The following TMPRSS11F variants were observed in gnomAD, a reference collection of about 807,000 sequenced individuals.
TMPRSS11F encodes the protein transmembrane protease serine 11F.
A neutral mutation model predicts 60.2 loss-of-function variants in TMPRSS11F; 47 were observed. That is an observed-to-expected ratio of 0.78 (90% confidence interval 0.62 to 1.00). The LOEUF (loss-of-function observed/expected upper bound fraction) is 1.00. TMPRSS11F is among the 50% of genes least tolerant of loss of function. The pLI, the probability that TMPRSS11F is intolerant of heterozygous loss-of-function variation, is 0.00. For synonymous variants in TMPRSS11F, 166 were observed against 167.3 expected (o/e 0.99, Z 0.06); for missense variants, 519 against 522.9 (o/e 0.99, Z 0.07).
At chr4:68,091,383 C>A (rs574384207) in intron 2 of TMPRSS11F, among the ~76,000 whole-genome samples, 3 of 152,020 alleles carry the variant, frequency 2.0e-5, no homozygotes, top group Non-Finnish European at 4.4e-5. Flanking sequence ...CTATCTTTGA[C>A]CTGGTCATAT....
chr4:68,056,444 CAA>C (rs60388608), intron 9 of TMPRSS11F, among the ~76,000 whole-genome samples: 3 of 111,584 alleles, frequency 2.7e-5, no homozygotes, highest in Admixed American at 8.9e-5. Flanking sequence ...AAAAAAATAG[CAA>C]AAAAAAAAAA....
chr4:68,092,547 A>G (rs898815196), intron 2 of TMPRSS11F, among the ~76,000 whole-genome samples: 6 of 152,126 alleles, frequency 3.9e-5, no homozygotes, highest in African/African-American at 1.4e-4. Flanking sequence ...GACAATTGTT[A>G]TTTCTTTATT....
At chr4:68,128,361 T>C (rs1425224018) in intron 1 of TMPRSS11F, among the ~76,000 whole-genome samples, 4 of 152,166 alleles carry the variant, frequency 2.6e-5, no homozygotes, top group African/African-American at 9.6e-5. Context: ...CTGATCACTA[T>C]ATATTACATG....
intron 2 of TMPRSS11F, among the ~76,000 whole-genome samples, chr4:68,097,368 C>A (rs911398084): frequency 1.3e-5 from 2 of 152,106 alleles, no homozygotes; most frequent in Admixed American, 6.6e-5. Flanking sequence ...CTAGAGACTA[C>A]CCTCATTCCT....
chr4:68,082,992 A>C (rs1001098499), intron 3 of TMPRSS11F, among the ~76,000 whole-genome samples: 2 of 152,218 alleles, frequency 1.3e-5, no homozygotes, highest in African/African-American at 4.8e-5. Context: ...AGCAAACAGA[A>C]GGAAACTTGG....
At chr4:68,108,830 A>G (rs1245860726) in intron 1 of TMPRSS11F, among the ~76,000 whole-genome samples, 1 of 152,214 alleles carries the variant, frequency 6.6e-6, no homozygotes, top group Non-Finnish European at 1.5e-5. Flanking sequence ...GACTAGCTGT[A>G]GTACAAATGT....
At chr4:68,098,586 C>G (rs1428172968) in intron 2 of TMPRSS11F, among the ~76,000 whole-genome samples, 1 of 152,118 alleles carries the variant, frequency 6.6e-6, no homozygotes, top group Non-Finnish European at 1.5e-5. Context: ...AAAGAGTATA[C>G]TAAACTCTCA....
chr4:68,058,603 G>A (rs572694945), intron 9 of TMPRSS11F, among the ~76,000 whole-genome samples: 32 of 152,222 alleles, frequency 2.1e-4, no homozygotes, highest in Non-Finnish European at 3.7e-4. Context: ...GGAGAAACAG[G>A]AAATAAGCTA....
At chr4:68,128,357 A>C (rs912056958) in intron 1 of TMPRSS11F, among the ~76,000 whole-genome samples, 1 of 152,174 alleles carries the variant, frequency 6.6e-6, no homozygotes, top group Admixed American at 6.5e-5. Flanking sequence ...TGATCTGATC[A>C]CTATATATTA....
At chr4:68,070,689 C>T (rs148785350) in intron 5 of TMPRSS11F, among the ~76,000 whole-genome samples, 2 of 152,132 alleles carry the variant, frequency 1.3e-5, no homozygotes, top group Admixed American at 1.3e-4. Context: ...TCTTTTTTCC[C>T]TTCAAATTTA....
At chr4:68,082,594 G>A (rs552668664) in intron 3 of TMPRSS11F, among the ~76,000 whole-genome samples, 14 of 152,348 alleles carry the variant, frequency 9.2e-5, no homozygotes, top group African/African-American at 3.1e-4. Flanking sequence ...CAGTATGAGT[G>A]CTTTACTGGT....
intron 8 of TMPRSS11F, chr4:68,063,106 C>T (rs776527982): frequency 1.1e-5 from 7 of 636,550 alleles, no homozygotes; most frequent in Non-Finnish European, 1.8e-5. Context: ...AGCCCTCCAA[C>T]ATTTTCAAAA....
At chr4:68,068,883 G>C in intron 6 of TMPRSS11F, 64 bp from the exon 7 acceptor site, 2 of 1,544,832 alleles carry the variant, frequency 1.3e-6, no homozygotes, top group Non-Finnish European at 1.8e-6. Flanking sequence ...ATTCTGATTT[G>C]CTTTGGTTAT....
intron 8 of TMPRSS11F, among the ~76,000 whole-genome samples, chr4:68,061,046 T>C (rs1723161401): frequency 7.3e-6 from 1 of 136,596 alleles, no homozygotes; most frequent in Non-Finnish European, 1.7e-5. Flanking sequence ...CTATTTTTAA[T>C]ATATATAAAA....
At chr4:68,094,628 A>C (rs1724034667) in intron 2 of TMPRSS11F, among the ~76,000 whole-genome samples, 1 of 151,808 alleles carries the variant, frequency 6.6e-6, no homozygotes, top group South Asian at 2.1e-4. Flanking sequence ...TTGGGATTTC[A>C]TGGGAGAATA....
chr4:68,075,639 G>A (rs970290118), intron 3 of TMPRSS11F, among the ~76,000 whole-genome samples: 1 of 152,048 alleles, frequency 6.6e-6, no homozygotes, highest in African/African-American at 2.4e-5. Context: ...AGAAAACTAG[G>A]TCACCAATAA....
At chr4:68,066,347 C>T (rs1399217966) in intron 7 of TMPRSS11F, among the ~76,000 whole-genome samples, 2 of 152,232 alleles carry the variant, frequency 1.3e-5, no homozygotes, top group Non-Finnish European at 2.9e-5. Flanking sequence ...AAAATTATCC[C>T]ATTCCTTTAT....
chr4:68,117,594 G>A (rs1468309687), intron 1 of TMPRSS11F, among the ~76,000 whole-genome samples: 1 of 151,592 alleles, frequency 6.6e-6, no homozygotes, highest in African/African-American at 2.4e-5. Context: ...TCAGGAAAAT[G>A]CAAGTCAAAA....
In TMPRSS11F at chr4:68,072,221, C is replaced by CA. The variant is rs61257089; in HGVS notation, c.514+101dup. ...ATTTTATATATATATATATATCTTC[C>CA]AAAAAAAAAATATATATATATATAT... On this transcript the variant is annotated intron_variant, in intron 5 of 9. Transcript: ENST00000356291. 4.3e-3 allele frequency: 247 copies of CA among 57,816 alleles called. 16 individuals carry two copies. In the South Asian group the frequency reaches 0.11, roughly 26 times the overall value. The allele number at this position is 57,816 out of a possible 1,614,324, so 3.6% of individuals were successfully genotyped here. A position where few individuals can be genotyped will look rare whatever the true frequency, so the allele number is the denominator to read the frequency against.
Sources: gnomAD v4.1 joint callset for allele counts (sites outside exome capture counted in the v4.1 genomes callset) on GRCh38, gnomAD v4.1.1 for gene constraint, MANE v1.5 for transcripts, NCBI Gene and HGNC (gene_info 2026-07-23, HGNC 2026-07-21) for gene names.